The following DMGDH variants were observed in gnomAD, a reference collection of about 807,000 sequenced individuals.
DMGDH encodes the protein dimethylglycine dehydrogenase, also known as dimethylglycine dehydrogenase, mitochondrial.
In DMGDH, 76 loss-of-function variants were observed where a neutral mutation model predicts 95.2. That is an observed-to-expected ratio of 0.80 (90% CI 0.66 to 0.97). The LOEUF is 0.97. Ranked by LOEUF, DMGDH falls within the 50% of genes least tolerant of loss-of-function variation. The pLI is 0.00. For synonymous variants in DMGDH, 345 were observed against 377.6 expected, an observed-to-expected ratio of 0.91 and a Z score of 1.00; for missense variants, 987 against 1,055.0, an observed-to-expected ratio of 0.94 and a Z score of 0.89.
intron 12 of DMGDH, among the ~76,000 whole-genome samples, chr5:79,027,580 G>A (rs1471641024): frequency 6.6e-6 from 1 of 152,160 alleles, no homozygotes; most frequent in African/African-American, 2.4e-5. Flanking sequence ...GGAGCCCAGA[G>A]CACCACTGGG....
chr5:79,039,018 A>G (rs4021023), intron 7 of DMGDH, among the ~76,000 whole-genome samples: 32,990 of 150,820 alleles, frequency 0.22, 3,751 homozygotes, highest in African/African-American at 0.28. Context: ...ATACCATCTC[A>G]CACCAGTTAG....
intron 14 of DMGDH, among the ~76,000 whole-genome samples, chr5:79,015,823 C>T (rs998370810): frequency 6.6e-6 from 1 of 151,968 alleles, no homozygotes. Flanking sequence ...ATCCTAAAAA[C>T]GAAAGGCTGG....
intron 14 of DMGDH, chr5:79,021,538 A>G (rs962407211): frequency 2.3e-6 from 3 of 1,284,042 alleles, no homozygotes; most frequent in Non-Finnish European, 3.0e-6. Flanking sequence ...TTGTGATGAA[A>G]GAGTTCTTCA....
chr5:79,055,419 A>G (rs955982720), intron 3 of DMGDH, among the ~76,000 whole-genome samples: 2 of 152,188 alleles, frequency 1.3e-5, no homozygotes, highest in African/African-American at 4.8e-5. Flanking sequence ...ATAAACATGA[A>G]AGTGAGGGGC....
intron 7 of DMGDH, 91 bp from the exon 8 acceptor site, chr5:79,033,499 G>T: frequency 4.1e-6 from 6 of 1,463,364 alleles, no homozygotes; most frequent in Non-Finnish European, 5.7e-6. Flanking sequence ...TTCAAAGTTG[G>T]ACTGTTCTGT....
chr5:79,039,523 C>T (rs1754445052), intron 7 of DMGDH, among the ~76,000 whole-genome samples: 2 of 151,964 alleles, frequency 1.3e-5, no homozygotes, highest in African/African-American at 4.8e-5. Context: ...CACATGGACA[C>T]AGGAAGGGGA....
chr5:79,030,412 G>A (rs923423836), intron 10 of DMGDH: 4 of 249,580 alleles, frequency 1.6e-5, no homozygotes, highest in Non-Finnish European at 3.1e-5. Flanking sequence ...AGCACTTTGG[G>A]AGGCTGAGGC....
At position 79,005,431 on chromosome 5, in the gene DMGDH, G is replaced by C. The variant is rs74833544; in HGVS notation, c.2251-24C>G. Reference sequence around the variant, plus strand: ...GGCTGCAGGAATCCAAGATAATGATGATGAATGAATGCTCAGACACTGTGA... The same window carrying C: ...GGCTGCAGGAATCCAAGATAATGATCATGAATGAATGCTCAGACACTGTGA... On this transcript the variant is annotated intron_variant, in intron 14 of 15. Transcript: ENST00000255189. 2.1e-5 allele frequency: 34 copies of C among 1,613,830 alleles called. 1 individual carries two copies. The African/African-American group carries it at 4.3e-4, about 20-fold the overall frequency.
intron 8 of DMGDH, among the ~76,000 whole-genome samples, 172 bp downstream of exon 8, chr5:79,033,067 T>C (rs1754235542): frequency 6.6e-6 from 1 of 152,174 alleles, no homozygotes; most frequent in African/African-American, 2.4e-5. Context: ...GCATTCCACG[T>C]GTTAAATATA....
chr5:79,051,322 C>G lies in DMGDH; in HGVS notation c.710G>C (p.Gly237Ala), dbSNP rs145276160. 1.1e-5 allele frequency: 18 copies of G among 1,614,068 alleles called. No individual in the cohort carries two copies. In the African/African-American group the frequency reaches 2.1e-4, roughly 19 times the overall value. ...CACAATTCTATTTGCTCTCATAGAC[C>G]CCTGTGGTGTTTCAACGTCCCATGT... ...DGTWDVETPQ[G>A]SMRANRIVNA... Residue 237 changes from glycine to alanine, a missense_variant, in exon 5 of 16, where the codon GGG becomes GCG. Physicochemically the swap from Gly to Ala is moderately conservative, Grantham distance 60 (BLOSUM62 0). Transcript: ENST00000255189.
intron 7 of DMGDH, among the ~76,000 whole-genome samples, chr5:79,038,964 T>C (rs1286672735): frequency 2.0e-5 from 3 of 151,734 alleles, no homozygotes; most frequent in Admixed American, 6.6e-5. Flanking sequence ...AAAATGCTCA[T>C]CATCACTGGC....
intron 14 of DMGDH, among the ~76,000 whole-genome samples, chr5:79,020,499 T>C (rs1032318897): frequency 3.9e-5 from 6 of 152,228 alleles, no homozygotes; most frequent in Non-Finnish European, 5.9e-5. Flanking sequence ...GTTTTAATAA[T>C]AGCTAATATT....
chr5:79,060,712 A>C (rs1755177784), intron 2 of DMGDH, among the ~76,000 whole-genome samples: 1 of 151,436 alleles, frequency 6.6e-6, no homozygotes, highest in East Asian at 2.0e-4. Context: ...CGAGGTCAAG[A>C]GATTGAGACC....
At chr5:79,012,502 AGT>A (rs1454163262) in intron 14 of DMGDH, among the ~76,000 whole-genome samples, 6 of 152,200 alleles carry the variant, frequency 3.9e-5, no homozygotes, top group African/African-American at 1.4e-4. Context: ...TCCACTAGGC[AGT>A]GCCCCAGTGG....
intron 14 of DMGDH, among the ~76,000 whole-genome samples, chr5:79,007,283 C>CACA (rs1753567234): frequency 6.6e-6 from 1 of 152,146 alleles, no homozygotes; most frequent in East Asian, 1.9e-4. Context: ...GGTCCACTTA[C>CACA]ATGTGGATTT....
chr5:79,066,080 G>A (rs902332781), intron 1 of DMGDH, among the ~76,000 whole-genome samples: 2 of 152,104 alleles, frequency 1.3e-5, no homozygotes, highest in Non-Finnish European at 2.9e-5. Context: ...AGTTTTCAAA[G>A]TCAAGAAATT....
intron 15 of DMGDH, among the ~76,000 whole-genome samples, chr5:79,003,411 A>G (rs1007403664): frequency 9.9e-5 from 15 of 152,190 alleles, no homozygotes; most frequent in Non-Finnish European, 1.5e-4. Context: ...GAGGAAGAAT[A>G]CATATTGAGA....
At chr5:79,050,850 T>C (rs1279560709) in intron 5 of DMGDH, among the ~76,000 whole-genome samples, 1 of 152,120 alleles carries the variant, frequency 6.6e-6, no homozygotes, top group African/African-American at 2.4e-5. Context: ...ATTTAAAAAC[T>C]TTTTCAACTA....
intron 12 of DMGDH, among the ~76,000 whole-genome samples, 176 bp from the exon 13 acceptor site, chr5:79,026,757 C>G (rs1313009453): frequency 6.6e-6 from 1 of 152,204 alleles, no homozygotes; most frequent in Non-Finnish European, 1.5e-5. Flanking sequence ...AAGAAGCCCA[C>G]CATATCACAG....
Sources: allele counts gnomAD v4.1 joint callset (sites outside exome capture counted in the v4.1 genomes callset), GRCh38; gene constraint gnomAD v4.1.1; transcripts MANE v1.5; gene names NCBI Gene and HGNC (gene_info 2026-07-23, HGNC 2026-07-21).